NELL1: variants seen among roughly 807,000 people sequenced by gnomAD.
The protein encoded by NELL1 is neural EGFL like 1, also known as protein kinase C-binding protein NELL1.
In NELL1, 76 loss-of-function variants were observed where a neutral mutation model predicts 107.4. That is an observed-to-expected ratio of 0.71 (90% CI 0.59 to 0.86). The LOEUF (loss-of-function observed/expected upper bound fraction) is 0.86. NELL1 is among the 40% of genes least tolerant of loss of function. The probability of loss-of-function intolerance (pLI) is 0.00; values close to 1 mark genes in which losing one functional copy is unlikely to be tolerated. For missense variants in NELL1, 1,024 were observed against 1,005.5 expected, an observed-to-expected ratio of 1.02 and a Z score of -0.25; for synonymous variants, 353 against 341.2, an observed-to-expected ratio of 1.03 and a Z score of -0.38.
chr11:21,170,820 C>T (rs1369483103), intron 13 of NELL1, among the ~76,000 whole-genome samples: 1 of 151,374 alleles, frequency 6.6e-6, no homozygotes, highest in East Asian at 1.9e-4. Flanking sequence ...CACTTGACTC[C>T]ATTTTCTTGG....
At chr11:20,831,489 C>G (rs186588692) in intron 3 of NELL1, among the ~76,000 whole-genome samples, 1 of 152,262 alleles carries the variant, frequency 6.6e-6, no homozygotes, top group African/African-American at 2.4e-5. Flanking sequence ...TCTTTCAGCT[C>G]TTAGTGGACA....
chr11:21,150,522 G>A (rs1276824424), intron 13 of NELL1, among the ~76,000 whole-genome samples: 4 of 152,088 alleles, frequency 2.6e-5, no homozygotes, highest in Non-Finnish European at 5.9e-5. Context: ...GAAGGCAGTG[G>A]GGGTGGGTGA....
chr11:21,252,182 G>A (rs1013063528), intron 14 of NELL1, among the ~76,000 whole-genome samples: 1 of 152,128 alleles, frequency 6.6e-6, no homozygotes, highest in Non-Finnish European at 1.5e-5. Flanking sequence ...AACAAGATTC[G>A]AACTCAGGTC....
intron 12 of NELL1, among the ~76,000 whole-genome samples, chr11:21,087,954 C>T (rs1041985251): frequency 6.6e-6 from 1 of 151,888 alleles, no homozygotes; most frequent in African/African-American, 2.4e-5. Flanking sequence ...ACTGCTAATC[C>T]CTGTCATAGT....
intron 2 of NELL1, chr11:20,770,832 G>C (rs1248302240): frequency 6.6e-6 from 1 of 152,148 alleles, no homozygotes; most frequent in Non-Finnish European, 1.5e-5. Context: ...TGGTTCATCA[G>C]GGACTGACAT....
intron 15 of NELL1, among the ~76,000 whole-genome samples, chr11:21,415,610 C>T (rs192760511): frequency 2.5e-4 from 38 of 152,040 alleles, no homozygotes; most frequent in Admixed American, 7.2e-4. Flanking sequence ...CAGGAATTGT[C>T]CTGGATAGTA....
chr11:20,903,502 G>A (rs1849924125), intron 5 of NELL1, among the ~76,000 whole-genome samples: 1 of 152,000 alleles, frequency 6.6e-6, no homozygotes, highest in African/African-American at 2.4e-5. Flanking sequence ...CTTCTTATTG[G>A]TTTTGATTTA....
chr11:20,714,220 T>TTTTTTTTTTTTTG, intron 2 of NELL1, among the ~76,000 whole-genome samples: 1 of 129,632 alleles, frequency 7.7e-6, no homozygotes, highest in Non-Finnish European at 1.6e-5. Flanking sequence ...TTTTTTTTTT[T>TTTTTTTTTTTTTG]GAGTTGGAGT....
intron 2 of NELL1, among the ~76,000 whole-genome samples, chr11:20,737,288 C>T (rs1855784422): frequency 6.6e-6 from 1 of 152,004 alleles, no homozygotes. Flanking sequence ...AAATTTGGAA[C>T]AGGGGTACAT....
At position 20,988,296 on chromosome 11, in the gene NELL1, A is replaced by G. The variant is rs184145480; in HGVS notation, c.1300+27736A>G. ...ACCTATCATGGTGAATAATAAGTGT[A>G]AATTTAATTCCACAAGACCTATTAC... On this transcript the variant is annotated intron_variant, in intron 12 of 19. Coordinates refer to ENST00000357134, the MANE Select transcript of NELL1 (RefSeq NM_006157.5). Among the ~76,000 whole-genome samples, 684 of 152,224 alleles carry G rather than the reference A, an allele frequency of 4.5e-3. 5 individuals carry two copies. Among genetic ancestry groups the G allele is most frequent in the African/African-American group, 0.015 (635 of 41,534 alleles).
chr11:21,108,010 C>T (rs974054951), intron 12 of NELL1, among the ~76,000 whole-genome samples: 2 of 152,082 alleles, frequency 1.3e-5, no homozygotes, highest in Non-Finnish European at 2.9e-5. Flanking sequence ...ACGTAGTATC[C>T]GATGTCAATC....
intron 16 of NELL1, among the ~76,000 whole-genome samples, chr11:21,550,674 G>T (rs977276436): frequency 8.6e-5 from 13 of 151,872 alleles, no homozygotes; most frequent in African/African-American, 3.1e-4. Context: ...TATTTCTGAG[G>T]GCTCTGTTCT....
chr11:20,897,662 T>C (rs1036938508), intron 5 of NELL1, among the ~76,000 whole-genome samples: 6 of 152,092 alleles, frequency 3.9e-5, no homozygotes, highest in Non-Finnish European at 7.4e-5. Flanking sequence ...TTTTGCAATC[T>C]ACTCATCTGA....
chr11:21,399,900 A>G (rs547740336), intron 15 of NELL1, among the ~76,000 whole-genome samples: 1 of 151,932 alleles, frequency 6.6e-6, no homozygotes, highest in South Asian at 2.1e-4. Flanking sequence ...ACTCAAGAAA[A>G]TAACATTACT....
intron 14 of NELL1, among the ~76,000 whole-genome samples, chr11:21,241,006 A>G (rs896259643): frequency 6.6e-6 from 1 of 151,984 alleles, no homozygotes; most frequent in Non-Finnish European, 1.5e-5. Context: ...AGTTACATAG[A>G]TGTTTGTTAA....
intron 4 of NELL1, among the ~76,000 whole-genome samples, chr11:20,857,752 T>C (rs997623304): frequency 3.2e-4 from 48 of 152,212 alleles, no homozygotes; most frequent in African/African-American, 1.1e-3. Context: ...AGAGTCTTTC[T>C]GGCAGCCAGC....
intron 14 of NELL1, among the ~76,000 whole-genome samples, chr11:21,247,261 A>T (rs936569781): frequency 3.0e-4 from 46 of 152,154 alleles, no homozygotes; most frequent in Admixed American, 3.0e-3. Flanking sequence ...TTTCTTCAAT[A>T]ATAAATTAAC....
intron 16 of NELL1, among the ~76,000 whole-genome samples, chr11:21,556,193 G>C (rs371661098): frequency 3.4e-4 from 51 of 151,982 alleles, no homozygotes; most frequent in African/African-American, 1.1e-3. Context: ...TCTCATTTCT[G>C]AGCCACTCAT....
intron 13 of NELL1, among the ~76,000 whole-genome samples, chr11:21,126,102 G>C (rs928703331): frequency 6.6e-6 from 1 of 152,178 alleles, no homozygotes; most frequent in Non-Finnish European, 1.5e-5. Context: ...CTTGTCTACA[G>C]CTGTAGGCTA....
Sources: gnomAD v4.1 joint callset for allele counts (sites outside exome capture counted in the v4.1 genomes callset) on GRCh38, gnomAD v4.1.1 for gene constraint, MANE v1.5 for transcripts, NCBI Gene and HGNC (gene_info 2026-07-23, HGNC 2026-07-21) for gene names.